The following GFOD1 variants were observed in gnomAD, a reference collection of about 807,000 sequenced individuals.
GFOD1 encodes the protein Gfo/Idh/MocA-like oxidoreductase domain containing 1.
Under a neutral mutation model 25.4 loss-of-function variants are expected in GFOD1, and 9 were observed. The ratio of observed to expected loss-of-function variants is 0.35; its 90% CI spans 0.21 to 0.62. GFOD1 has a LOEUF of 0.62. Ranked by LOEUF, GFOD1 falls within the 20% of genes least tolerant of loss-of-function variation. The probability of loss-of-function intolerance (pLI) is 0.72; values close to 1 mark genes in which losing one functional copy is unlikely to be tolerated. For synonymous variants in GFOD1, 253 were observed against 245.6 expected (o/e 1.03, Z -0.28); for missense variants, 403 against 556.9 (o/e 0.72, Z 2.78).
chr6:13,483,734 T>C (rs1758806624), intron 1 of GFOD1, among the ~76,000 whole-genome samples: 1 of 152,146 alleles, frequency 6.6e-6, no homozygotes, highest in Non-Finnish European at 1.5e-5. Context: ...CCATGATCTA[T>C]GGCAGAGGAA....
intron 1 of GFOD1, among the ~76,000 whole-genome samples, chr6:13,451,453 T>C (rs1476753373): frequency 6.6e-6 from 1 of 152,056 alleles, no homozygotes; most frequent in African/African-American, 2.4e-5. Context: ...TACGAGAGCT[T>C]GTAGAGAACA....
At chr6:13,402,970 A>G (rs1295785797) in intron 1 of GFOD1, among the ~76,000 whole-genome samples, 1 of 152,254 alleles carries the variant, frequency 6.6e-6, no homozygotes, top group Non-Finnish European at 1.5e-5. Flanking sequence ...AAGGTGGTAC[A>G]GTCATGCATC....
intron 1 of GFOD1, among the ~76,000 whole-genome samples, chr6:13,375,858 A>G (rs1785245076): frequency 2.0e-5 from 3 of 152,148 alleles, no homozygotes; most frequent in Admixed American, 1.3e-4. Context: ...TGTAATGAGC[A>G]TTTACTCCTG....
At chr6:13,388,490 A>C (rs1244882418) in intron 1 of GFOD1, among the ~76,000 whole-genome samples, 1 of 152,216 alleles carries the variant, frequency 6.6e-6, no homozygotes, top group East Asian at 1.9e-4. Flanking sequence ...TTTGACAAAT[A>C]TGACAAAAAC....
At chr6:13,434,243 A>C (rs1441245717) in intron 1 of GFOD1, among the ~76,000 whole-genome samples, 5 of 150,800 alleles carry the variant, frequency 3.3e-5, no homozygotes, top group African/African-American at 1.2e-4. Context: ...TTATGGAAGC[A>C]CAGAAGTCAA....
At chr6:13,394,277 A>G (rs1785681625) in intron 1 of GFOD1, among the ~76,000 whole-genome samples, 1 of 152,162 alleles carries the variant, frequency 6.6e-6, no homozygotes, top group Non-Finnish European at 1.5e-5. Context: ...GGCAAGATGC[A>G]GAAGAATGTG....
At chr6:13,420,886 A>G (rs1024557744) in intron 1 of GFOD1, among the ~76,000 whole-genome samples, 2 of 152,202 alleles carry the variant, frequency 1.3e-5, no homozygotes, top group African/African-American at 4.8e-5. Flanking sequence ...CAGTAATTGT[A>G]CATAGAAGAA....
At chr6:13,452,947 T>C (rs1475009999) in intron 1 of GFOD1, among the ~76,000 whole-genome samples, 1 of 152,156 alleles carries the variant, frequency 6.6e-6, no homozygotes, top group African/African-American at 2.4e-5. Flanking sequence ...CTGGGCCAGA[T>C]GTGAAAGGGA....
Position 13,486,953 on chromosome 6 carries a change from C to T in GFOD1, c.-63G>A, listed in dbSNP as rs1195113291. On this transcript the variant is annotated 5_prime_UTR_variant, in exon 1 of 2. Coordinates refer to ENST00000379287, the MANE Select transcript of GFOD1 (RefSeq NM_018988.4). ...TCTCCAGTCCAACGCGCGCACACAC[C>T]CACCTCTAGCCAGTCCTGCACCCCG... The T allele has an allele frequency of 1.3e-6, 2 of 1,552,176 alleles. No homozygotes were observed. The highest frequency in any genetic ancestry group is 2.7e-5 in the African/African-American group (2 of 74,190).
At chr6:13,458,532 A>T (rs1035655692) in intron 1 of GFOD1, among the ~76,000 whole-genome samples, 19 of 151,960 alleles carry the variant, frequency 1.3e-4, no homozygotes, top group African/African-American at 4.4e-4. Context: ...AGGCACACTG[A>T]CCTTGATTTC....
intron 1 of GFOD1, among the ~76,000 whole-genome samples, chr6:13,428,397 C>T (rs1299621942): frequency 5.9e-5 from 9 of 152,240 alleles, no homozygotes; most frequent in Admixed American, 2.0e-4. Context: ...GAGAAGGATG[C>T]GAAAGCCGAG....
chr6:13,364,687 C>T lies in GFOD1; in HGVS notation c.*56G>A, dbSNP rs1785004090. Reference sequence around the variant, plus strand: ...GGTCACCCTCTCCCCTCGGCCCTTCCCTCTCTGTGGACATCCCCTGCAGAA... The same window carrying T: ...GGTCACCCTCTCCCCTCGGCCCTTCTCTCTCTGTGGACATCCCCTGCAGAA... On this transcript the variant is annotated 3_prime_UTR_variant, in exon 2 of 2. Transcript: ENST00000379287. This position sits in a 1 kb window ranked among gnomAD's most constrained non-coding sequence, Gnocchi z 4.1. The T allele has an allele frequency of 1.4e-6, 2 of 1,457,950 alleles. No individual in the cohort carries two copies. The highest frequency in any genetic ancestry group is 1.8e-5 in the Admixed American group (1 of 56,474). 90.3% of individuals were successfully genotyped at this position (1,457,950 alleles called of 1,614,324 possible).
chr6:13,464,013 G>A (rs1758338447), intron 1 of GFOD1, among the ~76,000 whole-genome samples: 1 of 152,000 alleles, frequency 6.6e-6, no homozygotes, highest in Non-Finnish European at 1.5e-5. Context: ...CGTATATACC[G>A]GATCATAATA....
chr6:13,383,891 C>A (rs535023676), intron 1 of GFOD1, among the ~76,000 whole-genome samples: 72 of 152,306 alleles, frequency 4.7e-4, no homozygotes, highest in African/African-American at 1.6e-3. Context: ...AATGGGCCTA[C>A]ATTTATTTTT....
Position 13,487,056 on chromosome 6 carries a change from G to T in GFOD1, c.-166C>A. The T allele has an allele frequency of 1.3e-6, 1 of 773,970 alleles. No homozygotes were observed. The highest frequency in any genetic ancestry group is 2.0e-6 in the Non-Finnish European group (1 of 496,044). The allele number at this position is 773,970 out of a possible 1,614,324, so 47.9% of individuals were successfully genotyped here. A position where few individuals can be genotyped will look rare whatever the true frequency, so the allele number is the denominator to read the frequency against. The stretch of plus-strand genomic sequence containing the variant: ...CGCCCGGGTGCCCAGAGCGCACCGA[G>T]CTGCAGGCGGAGCAAGCTCGGGGCG... On this transcript the variant is annotated 5_prime_UTR_variant, in exon 1 of 2. Coordinates refer to ENST00000379287, the MANE Select transcript of GFOD1 (RefSeq NM_018988.4). This position sits in a 1 kb window ranked among gnomAD's most constrained non-coding sequence, Gnocchi z 4.9.
intron 1 of GFOD1, among the ~76,000 whole-genome samples, chr6:13,405,257 A>G (rs1785923721): frequency 6.6e-6 from 1 of 152,256 alleles, no homozygotes; most frequent in Non-Finnish European, 1.5e-5. Flanking sequence ...TACTTTCCCA[A>G]TAGGAGAAAA....
intron 1 of GFOD1, among the ~76,000 whole-genome samples, chr6:13,483,547 A>C (rs551418769): frequency 1.1e-4 from 16 of 150,910 alleles, no homozygotes; most frequent in Non-Finnish European, 1.6e-4. Context: ...CAGTGTAGAT[A>C]GTGGCTAGAG....
In GFOD1 at chr6:13,361,899, C is replaced by T. The variant is rs1483265638; in HGVS notation, c.*2844G>A. The T allele has an allele frequency of 6.6e-6, 1 of 152,094 alleles. No individual in the cohort carries two copies. The highest frequency in any genetic ancestry group is 1.5e-5 in the Non-Finnish European group (1 of 68,008). The allele number at this position is 152,094 out of a possible 1,614,324, so 9.4% of individuals were successfully genotyped here. On this transcript the variant is annotated 3_prime_UTR_variant, in exon 2 of 2. Coordinates refer to ENST00000379287, the MANE Select transcript of GFOD1 (RefSeq NM_018988.4). ...TAGACATTAAATATGTATTACAGAG[C>T]TTAGAGGCCTTTGTGGGGACCTCTC... is the stretch of plus-strand genomic sequence containing the variant.
At chr6:13,483,241 G>A (rs1042470844) in intron 1 of GFOD1, among the ~76,000 whole-genome samples, 9 of 152,082 alleles carry the variant, frequency 5.9e-5, no homozygotes, top group Admixed American at 4.6e-4. Context: ...GAGAGGAAGC[G>A]GTAACACTTG....
Sources: gnomAD v4.1 joint callset for allele counts (sites outside exome capture counted in the v4.1 genomes callset) on GRCh38, gnomAD v4.1.1 for gene constraint, Gnocchi (gnomAD v3.1) non-coding constraint, MANE v1.5 for transcripts, NCBI Gene and HGNC (gene_info 2026-07-23, HGNC 2026-07-21) for gene names.